The following AP1B1 variants were observed in gnomAD, a reference collection of about 807,000 sequenced individuals.
AP1B1 encodes adaptor related protein complex 1 subunit beta 1.
In AP1B1, 36 loss-of-function variants were observed where a neutral mutation model predicts 104.3. The ratio of observed to expected loss-of-function variants is 0.35; its 90% CI spans 0.26 to 0.46. The LOEUF is 0.46. Among genes scored for constraint, AP1B1 ranks in the 20% least tolerant of loss-of-function variants. The probability of loss-of-function intolerance (pLI) is 1.00; values close to 1 mark genes in which losing one functional copy is unlikely to be tolerated. For missense variants in AP1B1, 901 were observed against 1,247.9 expected (o/e 0.72, Z 4.19); for synonymous variants, 504 against 517.5 (o/e 0.97, Z 0.35).
At chr22:29,334,206 G>A (rs1054726867) in intron 17 of AP1B1, 59 bp downstream of exon 17, 131 of 1,347,462 alleles carry the variant, frequency 9.7e-5, no homozygotes, top group Middle Eastern at 4.0e-4. Flanking sequence ...AACAGACTCC[G>A]AGTGGGTTCT....
intron 21 of AP1B1, 49 bp downstream of exon 21, chr22:29,330,329 G>A: frequency 6.2e-7 from 1 of 1,607,146 alleles, no homozygotes; most frequent in South Asian, 1.1e-5. Context: ...CCCTGGCATG[G>A]GACGAAGGGG....
intron 10 of AP1B1, 111 bp downstream of exon 10, chr22:29,349,924 C>T (rs1255010543): frequency 1.7e-5 from 15 of 869,944 alleles, no homozygotes; most frequent in African/African-American, 3.3e-5. Flanking sequence ...TTGAGAATGA[C>T]GCTTGTGGCC....
At chr22:29,331,233 T>C (rs185302330) in intron 19 of AP1B1, among the ~76,000 whole-genome samples, 94 of 152,226 alleles carry the variant, frequency 6.2e-4, no homozygotes, top group African/African-American at 2.2e-3. Context: ...GTGAGTTCCA[T>C]GTGGCACAGC....
chr22:29,343,376 T>C (rs1483221646), intron 11 of AP1B1, among the ~76,000 whole-genome samples: 2 of 152,192 alleles, frequency 1.3e-5, no homozygotes, highest in Non-Finnish European at 2.9e-5. Context: ...AGGAGGGCAC[T>C]TGTGCAGGGA....
chr22:29,354,973 C>T (rs183814915), intron 6 of AP1B1, 102 bp from the exon 7 acceptor site: 6 of 1,040,436 alleles, frequency 5.8e-6, no homozygotes, highest in African/African-American at 1.6e-5. Context: ...TGATAGTTCA[C>T]GCCTGTAATC....
At chr22:29,333,822 G>A (rs1200650221) in intron 17 of AP1B1, among the ~76,000 whole-genome samples, 1 of 152,180 alleles carries the variant, frequency 6.6e-6, no homozygotes, top group Non-Finnish European at 1.5e-5. Context: ...CCAGCACTTT[G>A]GGAGGCCGAG....
intron 10 of AP1B1, 137 bp from the exon 11 acceptor site, chr22:29,349,520 GT>G (rs1036497535): frequency 7.1e-3 from 4,799 of 671,526 alleles, no homozygotes; most frequent in South Asian, 8.7e-3. Context: ...TCTGAGTTTT[GT>G]TTTTTTTTTT....
intron 3 of AP1B1, among the ~76,000 whole-genome samples, chr22:29,360,800 G>A (rs1175283470): frequency 1.3e-5 from 2 of 152,190 alleles, no homozygotes; most frequent in Admixed American, 1.3e-4. Flanking sequence ...TTCTTAAGAT[G>A]TGAAATTTGG....
chr22:29,374,876 A>G (rs1006098781), intron 1 of AP1B1, among the ~76,000 whole-genome samples: 2 of 152,234 alleles, frequency 1.3e-5, no homozygotes, highest in Non-Finnish European at 2.9e-5. Flanking sequence ...AAAAAATGAC[A>G]GCACAGTAGA....
intron 11 of AP1B1, among the ~76,000 whole-genome samples, chr22:29,343,367 G>A (rs2061742205): frequency 1.3e-5 from 2 of 152,262 alleles, no homozygotes; most frequent in South Asian, 4.1e-4. Flanking sequence ...CTGCCCAGCA[G>A]GAGGGCACTT....
At chr22:29,342,184 C>T in intron 12 of AP1B1, 101 bp downstream of exon 12, 1 of 968,810 alleles carries the variant, frequency 1.0e-6, no homozygotes, top group East Asian at 2.6e-5. Context: ...AGATACCTGT[C>T]TTAGGAGCGG....
rs2061602276 is a variant in AP1B1 at position 29,334,115 on chromosome 22, T to C, written c.2309+150A>G. The C allele has an allele frequency of 4.5e-6, 4 of 884,582 alleles. No individual in the cohort carries two copies. The South Asian group carries it at 6.1e-5, about 14-fold the overall frequency. 54.8% of individuals were successfully genotyped at this position (884,582 alleles called of 1,614,324 possible). A position where few individuals can be genotyped will look rare whatever the true frequency, so the allele number is the denominator to read the frequency against. ...CCCAGTGCTTCAGAGAGTTTTGGCCTGAGCGGTGGTGGGGAACATCCTTCA... is the reference window on the plus strand; with the variant it reads ...CCCAGTGCTTCAGAGAGTTTTGGCCCGAGCGGTGGTGGGGAACATCCTTCA... On this transcript the variant is annotated intron_variant, in intron 17 of 22. Transcript: ENST00000357586.
chr22:29,339,791 G>T lies in AP1B1; in HGVS notation c.1999-17C>A. On this transcript the variant is annotated splice_polypyrimidine_tract_variant and intron_variant, in intron 14 of 22. Coordinates refer to ENST00000357586, the MANE Select transcript of AP1B1 (RefSeq NM_001127.4). ...ATCCCCCATCTCCAAGCAGAAGCAGGCAGGTGAAGAGAACAGGCAGCCACA... is the reference window on the plus strand; with the variant it reads ...ATCCCCCATCTCCAAGCAGAAGCAGTCAGGTGAAGAGAACAGGCAGCCACA... The T allele has an allele frequency of 6.2e-7, 1 of 1,605,756 alleles. No homozygotes were observed. Among genetic ancestry groups the T allele is most frequent in the South Asian group, 1.1e-5 (1 of 89,628 alleles).
chr22:29,384,926 G>T (rs2062498057), intron 1 of AP1B1, among the ~76,000 whole-genome samples: 1 of 152,184 alleles, frequency 6.6e-6, no homozygotes, highest in East Asian at 1.9e-4. Context: ...ACAACCCACT[G>T]TGACCCTTGC....
At chr22:29,361,023 T>C (rs1450231711) in intron 3 of AP1B1, among the ~76,000 whole-genome samples, 1 of 152,188 alleles carries the variant, frequency 6.6e-6, no homozygotes, top group Non-Finnish European at 1.5e-5. Context: ...GAAAAACTGC[T>C]GATGAGGCCG....
chr22:29,375,255 C>T (rs1346363258), intron 1 of AP1B1, among the ~76,000 whole-genome samples: 3 of 141,188 alleles, frequency 2.1e-5, no homozygotes, highest in Admixed American at 7.8e-5. Context: ...GAGGCTGAGG[C>T]AGGAGAATCG....
rs746523751 is a variant in AP1B1, at chr22:29,359,867, C to T, written c.236G>A (p.Ser79Asn). ...VYLYLMNYAK[S>N]QPDMAIMAVN... ...GGCCATAATGGCCATGTCAGGCTGA[C>T]TCTTGGCGTAATTCATCAAGTAGAG... The change falls in exon 4 of 23, where the codon AGT becomes AAT. Residue 79 changes from serine to asparagine, a missense_variant. By Grantham distance (46) the Ser-to-Asn change is conservative. This residue lies in a region of AP1B1 where 471 missense variants were observed against 696.7 expected (regional missense o/e 0.68). Transcript: ENST00000357586. The T allele has an allele frequency of 6.2e-7, 1 of 1,614,078 alleles. No individual in the cohort carries two copies. Among genetic ancestry groups the T allele is most frequent in the Non-Finnish European group, 8.5e-7 (1 of 1,179,976 alleles).
chr22:29,351,544 G>A, intron 8 of AP1B1, 161 bp downstream of exon 8: 2 of 994,250 alleles, frequency 2.0e-6, no homozygotes, highest in Non-Finnish European at 2.9e-6. Flanking sequence ...AAAAACATCA[G>A]TTCTTTTACT....
rs759899475 is a variant in AP1B1, at chr22:29,330,740, C to T, written c.2525-31G>A. 8 of 1,584,054 alleles carry T rather than the reference C, an allele frequency of 5.1e-6. 1 individual carries two copies. Among genetic ancestry groups the T allele is most frequent in the East Asian group, 2.3e-5 (1 of 44,006 alleles). On this transcript the variant is annotated intron_variant, in intron 19 of 22. Coordinates refer to ENST00000357586, the MANE Select transcript of AP1B1 (RefSeq NM_001127.4). ...GGGTGAGCAGGGTGGGGATGAGAGGCGAGCCCCTCATAAACCTGTGGGCCC... is the reference window on the plus strand; with the variant it reads ...GGGTGAGCAGGGTGGGGATGAGAGGTGAGCCCCTCATAAACCTGTGGGCCC...
Sources: allele counts gnomAD v4.1 joint callset (sites outside exome capture counted in the v4.1 genomes callset), GRCh38; gene constraint gnomAD v4.1.1; regional missense constraint gnomAD v4.1.1; transcripts MANE v1.5; gene names NCBI Gene and HGNC (gene_info 2026-07-23, HGNC 2026-07-21).